SLC25A21: variants seen among roughly 807,000 people sequenced by gnomAD.
SLC25A21 encodes the protein solute carrier family 25 member 21, also known as mitochondrial 2-oxodicarboxylate carrier.
SLC25A21 carries 47 observed loss-of-function variants against 43.8 expected under a neutral mutation model. The observed-to-expected ratio is 1.07, with a 90% CI of 0.85 to 1.37. The LOEUF (loss-of-function observed/expected upper bound fraction) is 1.37, where lower values mean the gene tolerates loss of function less well. Among genes scored for constraint, SLC25A21 ranks in the 40% most tolerant of loss-of-function variants. The probability of loss-of-function intolerance (pLI) is 0.00; values close to 1 mark genes in which losing one functional copy is unlikely to be tolerated. For synonymous variants in SLC25A21, 131 were observed against 121.3 expected, an observed-to-expected ratio of 1.08 and a Z score of -0.52; for missense variants, 352 against 350.2, an observed-to-expected ratio of 1.00 and a Z score of -0.04.
At chr14:37,097,051 TG>T (rs1200020336) in intron 1 of SLC25A21, 3 of 151,506 alleles carry the variant, frequency 2.0e-5, no homozygotes, top group Non-Finnish European at 2.9e-5. Context: ...TGTTTTTTTT[TG>T]TTTGTTTTTG....
chr14:36,838,290 G>T lies in SLC25A21; in HGVS notation c.120-24289C>A, dbSNP rs143898669. ...CTGTACATATTTTCTGCCTTCGTCT[G>T]GAAGAGTGAAATAAGCACACTTTAT... is the stretch of plus-strand genomic sequence containing the variant. On this transcript the variant is annotated intron_variant, in intron 2 of 9. Transcript: ENST00000331299. Among the ~76,000 whole-genome samples, 8 of 152,318 alleles carry T rather than the reference G, an allele frequency of 5.3e-5. No homozygotes were observed. In the East Asian group the frequency reaches 1.5e-3, roughly 29 times the overall value.
chr14:37,052,890 G>T (rs536542427), intron 1 of SLC25A21, among the ~76,000 whole-genome samples: 1 of 152,030 alleles, frequency 6.6e-6, no homozygotes, highest in Non-Finnish European at 1.5e-5. Context: ...CACCTGCTTC[G>T]GCCTCCAAAA....
chr14:37,049,391 T>C (rs920692545), intron 1 of SLC25A21, among the ~76,000 whole-genome samples: 3 of 151,582 alleles, frequency 2.0e-5, no homozygotes, highest in Non-Finnish European at 4.4e-5. Flanking sequence ...CTGGGCAACA[T>C]GGTGAGACCC....
chr14:36,962,089 C>T (rs918278425), intron 1 of SLC25A21, among the ~76,000 whole-genome samples: 2 of 152,176 alleles, frequency 1.3e-5, no homozygotes, highest in Non-Finnish European at 2.9e-5. Context: ...AACCACTCAT[C>T]CTTTCTCTAG....
At chr14:36,760,342 A>AGGAAGGAAGGAC (rs1886099866) in intron 3 of SLC25A21, among the ~76,000 whole-genome samples, 2 of 104,448 alleles carry the variant, frequency 1.9e-5, no homozygotes, top group African/African-American at 6.6e-5. Flanking sequence ...GAAGGAAGGA[A>AGGAAGGAAGGAC]GGAAGGAAGG....
intron 1 of SLC25A21, among the ~76,000 whole-genome samples, chr14:37,054,459 A>C (rs918134622): frequency 6.6e-6 from 1 of 152,254 alleles, no homozygotes; most frequent in Non-Finnish European, 1.5e-5. Context: ...ACATCAATAG[A>C]AAGCCAGAAC....
At chr14:37,029,765 T>A in intron 1 of SLC25A21, among the ~76,000 whole-genome samples, 1 of 145,796 alleles carries the variant, frequency 6.9e-6, no homozygotes, top group African/African-American at 2.6e-5. Context: ...CGACTTTTTT[T>A]TTTTTTTTTT....
At position 36,951,038 on chromosome 14, in the gene SLC25A21, C is replaced by G. The variant is rs567962171; in HGVS notation, c.71-76034G>C. 4.0e-3 allele frequency among the ~76,000 whole-genome samples: 605 copies of G among 152,212 alleles called. 5 individuals are homozygous for G. Among genetic ancestry groups the G allele is most frequent in the Middle Eastern group, 0.017 (5 of 294 alleles). On this transcript the variant is annotated intron_variant, in intron 1 of 9. Transcript: ENST00000331299. ...GAACCACAGTGAGCCCTCTCTGCCC[C>G]CTAACTCTCCAGAAGAAAAACAAAG...
chr14:37,164,093 T>C (rs139534792), intron 1 of SLC25A21, among the ~76,000 whole-genome samples: 3 of 152,326 alleles, frequency 2.0e-5, no homozygotes, highest in African/African-American at 4.8e-5. Flanking sequence ...TTAAGTTTTA[T>C]GTCAGTTGAA....
chr14:36,928,394 C>T (rs1390628116), intron 1 of SLC25A21, among the ~76,000 whole-genome samples: 1 of 151,980 alleles, frequency 6.6e-6, no homozygotes, highest in African/African-American at 2.4e-5. Flanking sequence ...TGCCAAATTT[C>T]AATCAACTTT....
intron 1 of SLC25A21, among the ~76,000 whole-genome samples, chr14:36,985,414 C>A (rs1384482832): frequency 6.6e-6 from 1 of 151,366 alleles, no homozygotes; most frequent in Non-Finnish European, 1.5e-5. Context: ...TAATAATATA[C>A]TCTATAGCAA....
chr14:37,102,654 C>A (rs1335474094), intron 1 of SLC25A21, among the ~76,000 whole-genome samples: 1 of 151,964 alleles, frequency 6.6e-6, no homozygotes, highest in Non-Finnish European at 1.5e-5. Context: ...ACCAAATTTG[C>A]CAGCTTCCAG....
At chr14:37,081,089 G>C (rs1047118081) in intron 1 of SLC25A21, among the ~76,000 whole-genome samples, 2 of 151,984 alleles carry the variant, frequency 1.3e-5, no homozygotes, top group South Asian at 4.1e-4. Flanking sequence ...TAATTTTAAG[G>C]GTAGTTACTA....
In SLC25A21 at chr14:36,843,308, T is replaced by C. The variant is rs572467923; in HGVS notation, c.120-29307A>G. Among the ~76,000 whole-genome samples, 28 of 152,286 alleles carry C rather than the reference T, an allele frequency of 1.8e-4. 1 individual carries two copies. In the East Asian group the frequency reaches 5.4e-3, roughly 29 times the overall value. On this transcript the variant is annotated intron_variant, in intron 2 of 9. Transcript: ENST00000331299. Reference sequence around the variant, plus strand: ...GCAATGGGTTGGAGCCTGGCTAATATAATACAGAAATCCTTGGTTAAAAAA... The same window carrying C: ...GCAATGGGTTGGAGCCTGGCTAATACAATACAGAAATCCTTGGTTAAAAAA...
intron 1 of SLC25A21, among the ~76,000 whole-genome samples, chr14:36,942,132 C>A (rs889601340): frequency 1.3e-5 from 2 of 151,590 alleles, no homozygotes; most frequent in African/African-American, 2.4e-5. Context: ...CAATTAACAC[C>A]GAGCTTAAGA....
chr14:37,166,309 A>C (rs1027988392), intron 1 of SLC25A21, among the ~76,000 whole-genome samples: 1 of 152,224 alleles, frequency 6.6e-6, no homozygotes, highest in Non-Finnish European at 1.5e-5. Flanking sequence ...AATGATTTGG[A>C]GTGAGCAAGG....
intron 6 of SLC25A21, among the ~76,000 whole-genome samples, chr14:36,724,015 C>T (rs530209401): frequency 1.1e-4 from 16 of 152,292 alleles, no homozygotes; most frequent in Admixed American, 6.5e-4. Context: ...TTTCCTTAAG[C>T]AGATTCCATG....
At chr14:37,133,801 T>C (rs1404614785) in intron 1 of SLC25A21, among the ~76,000 whole-genome samples, 3 of 152,168 alleles carry the variant, frequency 2.0e-5, no homozygotes, top group Admixed American at 2.0e-4. Flanking sequence ...CTACTTCCTC[T>C]GCCTACATGT....
intron 1 of SLC25A21, among the ~76,000 whole-genome samples, chr14:37,137,987 C>G (rs947635990): frequency 6.6e-6 from 1 of 152,164 alleles, no homozygotes; most frequent in Admixed American, 6.5e-5. Context: ...AGTGCTTTTA[C>G]TTATGTTGCT....
Sources: gnomAD v4.1 joint callset for allele counts (sites outside exome capture counted in the v4.1 genomes callset) on GRCh38, gnomAD v4.1.1 for gene constraint, MANE v1.5 for transcripts, NCBI Gene and HGNC (gene_info 2026-07-23, HGNC 2026-07-21) for gene names.